The following ARIH2 variants were observed in gnomAD, a reference collection of about 807,000 sequenced individuals.
The protein encoded by ARIH2 is E3 ubiquitin-protein ligase ARIH2.
In ARIH2, 12 loss-of-function variants were observed where a neutral mutation model predicts 79.8. The observed-to-expected ratio is 0.15, with a 90% CI of 0.10 to 0.24. The LOEUF is 0.24. Among genes scored for constraint, ARIH2 ranks in the 10% least tolerant of loss-of-function variants. ARIH2 has a pLI of 1.00. For synonymous variants in ARIH2, 224 were observed against 213.9 expected (o/e 1.05, Z -0.41); for missense variants, 301 against 618.3 (o/e 0.49, Z 5.44).
chr3:48,925,542 G>T (rs1280646526), intron 2 of ARIH2, among the ~76,000 whole-genome samples: 1 of 151,480 alleles, frequency 6.6e-6, no homozygotes, highest in East Asian at 1.9e-4. Context: ...GATTATAGTT[G>T]TGAGCCACAC....
intron 4 of ARIH2, among the ~76,000 whole-genome samples, chr3:48,963,533 G>A (rs1411878054): frequency 6.6e-6 from 1 of 152,112 alleles, no homozygotes; most frequent in Non-Finnish European, 1.5e-5. Flanking sequence ...CACTTTTATT[G>A]CCACTTGATA....
chr3:48,940,805 A>AT (rs1172707565), intron 3 of ARIH2, among the ~76,000 whole-genome samples: 13 of 105,936 alleles, frequency 1.2e-4, no homozygotes, highest in African/African-American at 3.9e-4. Flanking sequence ...AAAAAAAAAA[A>AT]AAAATATATA....
chr3:48,975,991 A>T (rs897525035), intron 11 of ARIH2, among the ~76,000 whole-genome samples: 1 of 151,606 alleles, frequency 6.6e-6, no homozygotes, highest in Non-Finnish European at 1.5e-5. Flanking sequence ...GCTGACTGCA[A>T]CCTCCACCTC....
chr3:48,929,027 C>G (rs1009299768), intron 3 of ARIH2, among the ~76,000 whole-genome samples: 4 of 152,202 alleles, frequency 2.6e-5, no homozygotes, highest in African/African-American at 9.6e-5. Context: ...TTCTCTTCCT[C>G]ACCATGCACA....
At chr3:48,952,655 A>C (rs2090107291) in intron 3 of ARIH2, among the ~76,000 whole-genome samples, 1 of 152,096 alleles carries the variant, frequency 6.6e-6, no homozygotes, top group South Asian at 2.1e-4. Flanking sequence ...TGAGACGTGG[A>C]GGAAAAGGCC....
At chr3:48,958,950 G>C (rs1030278084) in intron 3 of ARIH2, among the ~76,000 whole-genome samples, 1 of 152,114 alleles carries the variant, frequency 6.6e-6, no homozygotes, top group African/African-American at 2.4e-5. Flanking sequence ...AGGAAGTGCA[G>C]ATTGCAGTAG....
In ARIH2 at chr3:48,918,920, GC is replaced by G. The variant is rs1553690540; in HGVS notation, c.-236del. 1.3e-6 allele frequency: 2 copies of G among 1,596,490 alleles called. No homozygotes were observed. The highest frequency in any genetic ancestry group is 8.5e-7 in the Non-Finnish European group (1 of 1,175,388). On this transcript the variant is annotated 5_prime_UTR_variant, in exon 1 of 16. Transcript: ENST00000356401. ...GGCCCGCCGCCTCCGCTGCCGCTTC[GC>G]CCCAATCCGGTCCCTCTGGCCCGGC...
chr3:48,919,009 G>GGCGCACGCCAC lies in ARIH2; in HGVS notation c.-162+18_-162+19insCCACGCGCACG, dbSNP rs754796075. 696 of 1,435,950 alleles carry GGCGCACGCCAC rather than the reference G, an allele frequency of 4.8e-4. 2 individuals are homozygous for GGCGCACGCCAC. The East Asian group carries it at 8.8e-3, about 18-fold the overall frequency. The allele number at this position is 1,435,950 out of a possible 1,614,324, so 89.0% of individuals were successfully genotyped here. On this transcript the variant is annotated intron_variant, in intron 1 of 15. Transcript: ENST00000356401. ...AGGCCGCAGCTCCCGGTAAGTGCGCGGCGCACGTCACGGCCTTGTTTACCT... is the reference window on the plus strand; with the variant it reads ...AGGCCGCAGCTCCCGGTAAGTGCGCGGCGCACGCCACGCGCACGTCACGGCCTTGTTTACCT...
chr3:48,959,297 T>C (rs959691060), intron 3 of ARIH2, among the ~76,000 whole-genome samples: 6 of 137,756 alleles, frequency 4.4e-5, no homozygotes, highest in African/African-American at 1.7e-4. Context: ...GCCTGGGTAA[T>C]ACAGCGAGAC....
At chr3:48,980,228 T>C in intron 12 of ARIH2, 125 bp from the exon 13 acceptor site, 3 of 965,192 alleles carry the variant, frequency 3.1e-6, no homozygotes, top group South Asian at 1.6e-5. Flanking sequence ...TCTTGCACTT[T>C]GGGGAATAAG....
intron 3 of ARIH2, among the ~76,000 whole-genome samples, chr3:48,950,653 A>G (rs181152715): frequency 2.6e-5 from 4 of 152,272 alleles, no homozygotes; most frequent in Non-Finnish European, 1.5e-5. Context: ...TATGGTAGCT[A>G]TGTGTGGCCA....
At chr3:48,958,195 C>T (rs2090830768) in intron 3 of ARIH2, among the ~76,000 whole-genome samples, 1 of 152,146 alleles carries the variant, frequency 6.6e-6, no homozygotes, top group African/African-American at 2.4e-5. Flanking sequence ...GTGGTGTGGG[C>T]TTGTAGTCTT....
intron 10 of ARIH2, 39 bp from the exon 11 acceptor site, chr3:48,974,917 AGT>A (rs769111712): frequency 9.9e-6 from 16 of 1,613,982 alleles, no homozygotes; most frequent in Non-Finnish European, 1.4e-5. Context: ...AGCTTTGGTC[AGT>A]GTGCCCTTAA....
In ARIH2 at chr3:48,970,712, T is replaced by G. The variant is rs1275008587; in HGVS notation, c.770+8T>G. The G allele has an allele frequency of 2.5e-6, 4 of 1,604,988 alleles. No individual in the cohort carries two copies. In the East Asian group the frequency reaches 8.9e-5, roughly 36 times the overall value. On this transcript the variant is annotated splice_region_variant and intron_variant, in intron 8 of 15. Coordinates refer to ENST00000356401, the MANE Select transcript of ARIH2 (RefSeq NM_006321.4). ...GTGCAACGAGGTCTTCTGGTAAGAG[T>G]GAGTGTGAGTGCTGAGCAGCCCTGG... is the stretch of plus-strand genomic sequence containing the variant.
chr3:48,925,090 A>T (rs961805624), intron 2 of ARIH2: 8 of 151,394 alleles, frequency 5.3e-5, no homozygotes, highest in African/African-American at 1.9e-4. Flanking sequence ...TTGGTCTCCC[A>T]AAGTGCCGGG....
At chr3:48,919,251 C>G (rs553609068) in intron 1 of ARIH2, 2 of 1,224,934 alleles carry the variant, frequency 1.6e-6, no homozygotes, top group African/African-American at 3.1e-5. Context: ...CTCTGACCAA[C>G]CGGCGCCGGC....
In ARIH2 at chr3:48,974,948, C is replaced by T. The variant is rs769076040; in HGVS notation, c.940-10C>T. The T allele has an allele frequency of 6.2e-6, 10 of 1,614,128 alleles. No individual in the cohort carries two copies. The highest frequency in any genetic ancestry group is 4.2e-6 in the Non-Finnish European group (5 of 1,180,014). On this transcript the variant is annotated splice_polypyrimidine_tract_variant and intron_variant, in intron 10 of 15. Transcript: ENST00000356401. ...CCCTTAACGTGTTTTCTTCTGTTTC[C>T]CTCTGACAGCAATGCTCCAAATGTA...
At chr3:48,935,955 C>T (rs1342173549) in intron 3 of ARIH2, among the ~76,000 whole-genome samples, 2 of 152,070 alleles carry the variant, frequency 1.3e-5, no homozygotes, top group African/African-American at 2.4e-5. Flanking sequence ...TCCCCTAGAG[C>T]CTCTGGTTCT....
chr3:48,929,550 C>G (rs988604482), intron 3 of ARIH2, among the ~76,000 whole-genome samples: 7 of 152,152 alleles, frequency 4.6e-5, no homozygotes, highest in South Asian at 2.1e-4. Flanking sequence ...AGTGGCCATG[C>G]CTTCTTTGGT....
Sources: gnomAD v4.1 joint callset for allele counts (sites outside exome capture counted in the v4.1 genomes callset) on GRCh38, gnomAD v4.1.1 for gene constraint, MANE v1.5 for transcripts, NCBI Gene and HGNC (gene_info 2026-07-23, HGNC 2026-07-21) for gene names.